Variants in MRPL50 observed in about 807,000 individuals in gnomAD.
MRPL50 encodes mitochondrial ribosomal protein L50, also known as large ribosomal subunit protein mL50.
A neutral mutation model predicts 16.2 loss-of-function variants in MRPL50; 10 were observed. The ratio of observed to expected loss-of-function variants is 0.62; its 90% CI spans 0.38 to 1.05. MRPL50 has a LOEUF of 1.05. Among genes scored for constraint, MRPL50 ranks in the 50% least tolerant of loss-of-function variants. The probability of loss-of-function intolerance (pLI) is 0.01; values close to 1 mark genes in which losing one functional copy is unlikely to be tolerated. For synonymous variants in MRPL50, 68 were observed against 66.8 expected (o/e 1.02, Z -0.09); for missense variants, 213 against 187.1 (o/e 1.14, Z -0.81).
chr9:101,390,402 C>A lies in MRPL50; in HGVS notation c.*64G>T, dbSNP rs373396726. The A allele has an allele frequency of 9.3e-5, 143 of 1,539,330 alleles. 1 individual carries two copies. In the African/African-American group the frequency reaches 1.5e-3, roughly 16 times the overall value. ...TTCACATGGTAAAGTATCAAAAGAT[C>A]TAATGAGCAGCCCCCTTGCTCAGGG... On this transcript the variant is annotated 3_prime_UTR_variant, in exon 2 of 2. Coordinates refer to ENST00000374865, the MANE Select transcript of MRPL50 (RefSeq NM_019051.3).
chr9:101,393,706 A>C (rs868247068), intron 1 of MRPL50, among the ~76,000 whole-genome samples: 3 of 152,032 alleles, frequency 2.0e-5, no homozygotes, highest in South Asian at 2.1e-4. Context: ...CACACACACA[A>C]AAAATCTAGG....
At position 101,390,652 on chromosome 9, in the gene MRPL50, C is replaced by A; in HGVS notation, c.291G>T (p.Lys97Asn). The change falls in exon 2 of 2, where the codon AAG (lysine) becomes AAT (asparagine). Residue 97 changes from lysine to asparagine, a missense_variant. Lys to Asn is a moderately conservative substitution (Grantham distance 94). Transcript: ENST00000374865. Reference protein sequence around the residue: ...QDISLEDSRLKFNLLAHLADD... With the variant: ...QDISLEDSRLNFNLLAHLADD... ...CAGCTAAATGAGCCAGAAGATTGAA[C>A]TTTAGACGACTATCTTCCAGGGAGA... 6.2e-7 allele frequency: 1 copy of A among 1,602,872 alleles called. No homozygotes were observed. The highest frequency in any genetic ancestry group is 8.5e-7 in the Non-Finnish European group (1 of 1,173,256).
At chr9:101,393,838 ATGT>A (rs1184660871) in intron 1 of MRPL50, among the ~76,000 whole-genome samples, 3 of 152,046 alleles carry the variant, frequency 2.0e-5, no homozygotes, top group Non-Finnish European at 1.5e-5. Context: ...GGGAGAATTG[ATGT>A]TGTTGAAATG....
chr9:101,398,409 G>T, intron 1 of MRPL50, 92 bp downstream of exon 1: 1 of 1,245,466 alleles, frequency 8.0e-7, no homozygotes. Flanking sequence ...TCAGGCGCGG[G>T]ACCACGATGG....
At chr9:101,392,244 C>T (rs1830283011) in intron 1 of MRPL50, among the ~76,000 whole-genome samples, 1 of 151,358 alleles carries the variant, frequency 6.6e-6, no homozygotes, top group African/African-American at 2.4e-5. Context: ...TAAAGATGTA[C>T]CTTAAATTAG....
rs1830237265 is a variant in MRPL50, at chr9:101,389,004, T to C, written c.*1462A>G. ...TTCACAACTATAACATATAACATAT[T>C]ATTCACAATAGTTATGTTCACAACT... On this transcript the variant is annotated 3_prime_UTR_variant, in exon 2 of 2. Coordinates refer to ENST00000374865, the MANE Select transcript of MRPL50 (RefSeq NM_019051.3). 1 of 151,000 alleles carries C rather than the reference T, an allele frequency of 6.6e-6. No homozygotes were observed. The highest frequency in any genetic ancestry group is 1.9e-4 in the East Asian group (1 of 5,176). 9.4% of individuals were successfully genotyped at this position (151,000 alleles called of 1,614,324 possible).
chr9:101,398,552 A>G lies in MRPL50; in HGVS notation c.41T>C (p.Phe14Ser), dbSNP rs143121807. 2 of 1,614,080 alleles carry G rather than the reference A, an allele frequency of 1.2e-6. No homozygotes were observed. The highest frequency in any genetic ancestry group is 1.7e-6 in the Non-Finnish European group (2 of 1,180,020). ...TGGTGTCCCTGAGACTGTCCACATG[A>G]AGACTCTTCTGGTAATGCCCGACAC... is the stretch of plus-strand genomic sequence containing the variant. ...RSVSGITRRVFMWTVSGTPCR... is the reference protein window; with the variant it reads ...RSVSGITRRVSMWTVSGTPCR... Residue 14 changes from phenylalanine (F) to serine (S), a missense_variant, in exon 1 of 2, where the codon TTC becomes TCC. Transcript: ENST00000374865.
At chr9:101,396,167 G>A (rs1294748052) in intron 1 of MRPL50, among the ~76,000 whole-genome samples, 1 of 152,078 alleles carries the variant, frequency 6.6e-6, no homozygotes, top group Non-Finnish European at 1.5e-5. Context: ...TGAGGACATG[G>A]AAAAAACGGC....
In MRPL50 at chr9:101,389,408, A is replaced by G; in HGVS notation, c.*1058T>C. 1 of 1,231,468 alleles carries G rather than the reference A, an allele frequency of 8.1e-7. No individual in the cohort carries two copies. The allele number at this position is 1,231,468 out of a possible 1,614,324, so 76.3% of individuals were successfully genotyped here. A position where few individuals can be genotyped will look rare whatever the true frequency, so the allele number is the denominator to read the frequency against. ...TGGATGATATTTGTAGGGCATGTCT[A>G]TACTGTTAACTAATTTTCTTCATGA... On this transcript the variant is annotated 3_prime_UTR_variant, in exon 2 of 2. Coordinates refer to ENST00000374865, the MANE Select transcript of MRPL50 (RefSeq NM_019051.3).
At chr9:101,394,869 G>A (rs1254818152) in intron 1 of MRPL50, among the ~76,000 whole-genome samples, 1 of 152,088 alleles carries the variant, frequency 6.6e-6, no homozygotes, top group African/African-American at 2.4e-5. Flanking sequence ...CTTTGGTCTG[G>A]GCAATGACCT....
intron 1 of MRPL50, among the ~76,000 whole-genome samples, chr9:101,396,450 G>A (rs1010438836): frequency 1.3e-5 from 2 of 151,960 alleles, no homozygotes; most frequent in Non-Finnish European, 2.9e-5. Context: ...CCATAAGTGT[G>A]TCTATATGTA....
In MRPL50 at chr9:101,390,737, C is replaced by T. The variant is rs143180617; in HGVS notation, c.206G>A (p.Arg69His). ...AYTPPEDLQS[R>H]LESYVKEVFG... The stretch of plus-strand genomic sequence containing the variant: ...AACTTCTTTAACGTAAGATTCCAAA[C>T]GACTCTGGAGATCTTCAGGTGGTGT... Residue 69 changes from arginine (R) to histidine (H), a missense_variant, in exon 2 of 2, where the codon CGT becomes CAT. Physicochemically the swap from Arg to His is conservative, Grantham distance 29 (BLOSUM62 0). Coordinates refer to ENST00000374865, the MANE Select transcript of MRPL50 (RefSeq NM_019051.3). The T allele has an allele frequency of 6.4e-5, 104 of 1,613,592 alleles. No homozygotes were observed. In the African/African-American group the frequency reaches 8.7e-4, roughly 13 times the overall value.
At chr9:101,396,799 G>T (rs572930104) in intron 1 of MRPL50, among the ~76,000 whole-genome samples, 1 of 151,984 alleles carries the variant, frequency 6.6e-6, no homozygotes, top group Non-Finnish European at 1.5e-5. Context: ...AAAATTAGCC[G>T]GGCGTGGTGG....
chr9:101,392,688 T>A (rs879627438), intron 1 of MRPL50, among the ~76,000 whole-genome samples: 1 of 152,030 alleles, frequency 6.6e-6, no homozygotes, highest in Non-Finnish European at 1.5e-5. Context: ...ACTACTGAAC[T>A]CTAGCAAGCA....
chr9:101,392,545 T>A (rs1163839161), intron 1 of MRPL50, among the ~76,000 whole-genome samples: 1 of 151,952 alleles, frequency 6.6e-6, no homozygotes, highest in African/African-American at 2.4e-5. Context: ...CTAGAAGAGA[T>A]GGATTAATTC....
intron 1 of MRPL50, among the ~76,000 whole-genome samples, chr9:101,396,938 C>G (rs959818173): frequency 1.3e-5 from 2 of 152,110 alleles, no homozygotes; most frequent in East Asian, 1.9e-4. Flanking sequence ...GAGACTCCAT[C>G]TCCAACACAA....
Position 101,390,466 on chromosome 9 carries a change from T to C in MRPL50, c.477A>G (p.Ter159=). The change falls in exon 2 of 2, where the codon TAA becomes TAG. Residue 159 remains the stop codon, a stop_retained_variant. Transcript: ENST00000374865. ...TCAATGTGTTTCTCTTCCGAATTGC[T>C]TAGTAACTCCAAGTGATTTTCAAAT... ...PPNLKITWSY[*] 6.2e-7 allele frequency: 1 copy of C among 1,608,172 alleles called. No individual in the cohort carries two copies. The highest frequency in any genetic ancestry group is 1.1e-5 in the South Asian group (1 of 90,194).
rs370221299 is a variant in MRPL50 at position 101,390,097 on chromosome 9, CTCTA to C, written c.*365_*368del. ...TTATTTGTGTATGTGCAATGCATAA[CTCTA>C]TCTTAGATATGAATCCTAACAGGAT... On this transcript the variant is annotated 3_prime_UTR_variant, in exon 2 of 2. Transcript: ENST00000374865. 207 of 1,011,550 alleles carry C rather than the reference CTCTA, an allele frequency of 2.0e-4. 1 individual carries two copies. In the East Asian group the frequency reaches 0.017, roughly 81 times the overall value. The allele number at this position is 1,011,550 out of a possible 1,614,324, so 62.7% of individuals were successfully genotyped here.
chr9:101,398,023 T>C (rs1830383734), intron 1 of MRPL50, among the ~76,000 whole-genome samples: 1 of 152,212 alleles, frequency 6.6e-6, no homozygotes, highest in Admixed American at 6.5e-5. Flanking sequence ...GATTTTGTTT[T>C]TCCTGCTGTA....
Sources: allele counts gnomAD v4.1 joint callset (sites outside exome capture counted in the v4.1 genomes callset), GRCh38; gene constraint gnomAD v4.1.1; transcripts MANE v1.5; gene names NCBI Gene and HGNC (gene_info 2026-07-23, HGNC 2026-07-21).